The following RALY variants were observed in gnomAD, a reference collection of about 807,000 sequenced individuals.
The protein encoded by RALY is RNA-binding protein Raly.
A neutral mutation model predicts 30.7 loss-of-function variants in RALY; 15 were observed. The observed-to-expected ratio is 0.49, with a 90% CI of 0.33 to 0.75. The LOEUF (loss-of-function observed/expected upper bound fraction) is 0.75. RALY is among the 30% of genes least tolerant of loss of function. The probability of loss-of-function intolerance (pLI) is 0.02; values close to 1 mark genes in which losing one functional copy is unlikely to be tolerated. For missense variants in RALY, 339 were observed against 414.3 expected (o/e 0.82, Z 1.58); for synonymous variants, 177 against 170.8 (o/e 1.04, Z -0.28).
Position 34,078,567 on chromosome 20 carries a change from G to A in RALY, c.*4+14G>A. Reference sequence around the variant, plus strand: ...TGCAGTAAGCAGGTACAGGGGTCCTGTCCTGATGGGCAGAGGGTGGGGAAT... The same window carrying A: ...TGCAGTAAGCAGGTACAGGGGTCCTATCCTGATGGGCAGAGGGTGGGGAAT... On this transcript the variant is annotated intron_variant, in intron 9 of 9. Transcript: ENST00000246194. 1.3e-6 allele frequency: 2 copies of A among 1,551,712 alleles called. No homozygotes were observed. Among genetic ancestry groups the A allele is most frequent in the Non-Finnish European group, 1.7e-6 (2 of 1,149,764 alleles).
intron 1 of RALY, chr20:34,016,406 C>T (rs2031609199): frequency 6.6e-6 from 1 of 152,040 alleles, no homozygotes; most frequent in Admixed American, 6.6e-5. Context: ...TGTTTATGAC[C>T]CAAGGTGAGT....
At chr20:34,059,273 C>G (rs1161148861) in intron 2 of RALY, among the ~76,000 whole-genome samples, 1 of 152,164 alleles carries the variant, frequency 6.6e-6, no homozygotes, top group Admixed American at 6.5e-5. Flanking sequence ...AATACTGATT[C>G]TGCATGAAAG....
At chr20:34,025,903 T>TG (rs2032011461) in intron 1 of RALY, among the ~76,000 whole-genome samples, 1 of 141,906 alleles carries the variant, frequency 7.0e-6, no homozygotes. Context: ...CTGGTTGTTT[T>TG]TTTTTTTTTT....
intron 2 of RALY, among the ~76,000 whole-genome samples, chr20:34,067,964 C>A (rs1007825804): frequency 2.6e-5 from 4 of 152,134 alleles, no homozygotes; most frequent in African/African-American, 9.7e-5. Flanking sequence ...GTCTCTGCTA[C>A]TCACTAGCTG....
At chr20:34,037,552 G>T (rs1318663231) in intron 2 of RALY, among the ~76,000 whole-genome samples, 2 of 152,218 alleles carry the variant, frequency 1.3e-5, no homozygotes, top group African/African-American at 4.8e-5. Flanking sequence ...GTAACATTGA[G>T]ATAGGAGGGG....
chr20:34,051,501 G>C (rs1309126035), intron 2 of RALY, among the ~76,000 whole-genome samples: 1 of 152,220 alleles, frequency 6.6e-6, no homozygotes, highest in Admixed American at 6.5e-5. Flanking sequence ...TGCTAGCACA[G>C]TACAGAACAT....
chr20:33,994,600 C>G (rs1347930112), intron 1 of RALY, among the ~76,000 whole-genome samples: 1 of 152,240 alleles, frequency 6.6e-6, no homozygotes, highest in African/African-American at 2.4e-5. Flanking sequence ...GCGCGCAGAG[C>G]TTGTCCTGCC....
intron 2 of RALY, among the ~76,000 whole-genome samples, chr20:34,054,786 C>T (rs1376716698): frequency 6.6e-6 from 1 of 151,056 alleles, no homozygotes; most frequent in Non-Finnish European, 1.5e-5. Context: ...AGGTCACACT[C>T]CAGCCTGGGT....
intron 1 of RALY, among the ~76,000 whole-genome samples, chr20:34,008,581 G>T (rs1230981218): frequency 1.3e-5 from 2 of 152,212 alleles, no homozygotes; most frequent in Non-Finnish European, 2.9e-5. Context: ...TTATCCTCTA[G>T]ATCAGAGGTC....
At chr20:33,999,414 A>G (rs888308671) in intron 1 of RALY, among the ~76,000 whole-genome samples, 1 of 152,168 alleles carries the variant, frequency 6.6e-6, no homozygotes, top group East Asian at 1.9e-4. Context: ...GTATGGCACA[A>G]CTGGTCATGT....
chr20:34,031,211 ATTTTTTT>A lies in RALY; in HGVS notation c.-92-296_-92-290del, dbSNP rs11297874. 5.4e-5 allele frequency among the ~76,000 whole-genome samples: 6 copies of A among 110,852 alleles called. No individual in the cohort carries two copies. The East Asian group carries it at 1.1e-3, about 20-fold the overall frequency. The allele number at this position is 110,852 out of a possible 152,430, so 72.7% of individuals were successfully genotyped here. ...AGGCGCCCACCACCATGCCTGGCTA[ATTTTTTT>A]TTTTTTTTTTTTTTGTATTTTTAGT... On this transcript the variant is annotated intron_variant, in intron 1 of 9. Coordinates refer to ENST00000246194, the MANE Select transcript of RALY (RefSeq NM_016732.3).
intron 2 of RALY, among the ~76,000 whole-genome samples, chr20:34,052,978 A>G (rs1278984803): frequency 6.6e-6 from 1 of 152,146 alleles, no homozygotes; most frequent in African/African-American, 2.4e-5. Context: ...TTTGGCATTT[A>G]GTGGGGCTAT....
chr20:34,044,789 A>AAGGGACCTT (rs1451007857), intron 2 of RALY, among the ~76,000 whole-genome samples: 2 of 152,224 alleles, frequency 1.3e-5, no homozygotes, highest in Admixed American at 1.3e-4. Flanking sequence ...CCAGCATTGG[A>AAGGGACCTT]AGGGACCTTA....
intron 1 of RALY, among the ~76,000 whole-genome samples, chr20:34,025,332 C>G (rs2031980928): frequency 6.6e-6 from 1 of 150,504 alleles, no homozygotes; most frequent in Non-Finnish European, 1.5e-5. Flanking sequence ...AAGACAATCT[C>G]AGTCTGTTGC....
At chr20:34,014,030 GGTTA>G (rs1291439459) in intron 1 of RALY, among the ~76,000 whole-genome samples, 1 of 152,142 alleles carries the variant, frequency 6.6e-6, no homozygotes, top group Non-Finnish European at 1.5e-5. Flanking sequence ...AGCAGCAAAA[GGTTA>G]GTTTTAATTA....
intron 1 of RALY, among the ~76,000 whole-genome samples, chr20:33,997,786 T>A (rs934564531): frequency 6.6e-6 from 1 of 152,182 alleles, no homozygotes; most frequent in African/African-American, 2.4e-5. Flanking sequence ...TTCATGTTTA[T>A]GAAGATGGTT....
intron 1 of RALY, chr20:34,017,837 G>C (rs920224389): frequency 2.0e-5 from 3 of 152,240 alleles, no homozygotes; most frequent in African/African-American, 7.2e-5. Context: ...GTGTGTCAGG[G>C]CTTGTGCTAG....
intron 6 of RALY, chr20:34,076,337 C>T (rs1039954940): frequency 5.9e-6 from 3 of 508,516 alleles, no homozygotes; most frequent in Non-Finnish European, 7.1e-6. Flanking sequence ...ACTCCACATT[C>T]ACTCTGGTAC....
intron 9 of RALY, among the ~76,000 whole-genome samples, 199 bp downstream of exon 9, chr20:34,078,752 C>A (rs1311991811): frequency 1.3e-5 from 2 of 152,156 alleles, no homozygotes; most frequent in African/African-American, 4.8e-5. Flanking sequence ...GCTGAGGAAG[C>A]AGGTGCCGTA....
Sources: gnomAD v4.1 joint callset for allele counts (sites outside exome capture counted in the v4.1 genomes callset) on GRCh38, gnomAD v4.1.1 for gene constraint, MANE v1.5 for transcripts, NCBI Gene and HGNC (gene_info 2026-07-23, HGNC 2026-07-21) for gene names.